Variants in PTPRE observed in about 807,000 individuals in gnomAD.
PTPRE encodes the protein protein tyrosine phosphatase receptor type E.
In PTPRE, 51 loss-of-function variants were observed where a neutral mutation model predicts 102.0. The observed-to-expected ratio is 0.50, with a 90% CI of 0.40 to 0.63. The LOEUF (loss-of-function observed/expected upper bound fraction) is 0.63, where lower values mean the gene tolerates loss of function less well. Ranked by LOEUF, PTPRE falls within the 30% of genes least tolerant of loss-of-function variation. The pLI is 0.00. For synonymous variants in PTPRE, 345 were observed against 348.2 expected (o/e 0.99, Z 0.10); for missense variants, 752 against 915.1 (o/e 0.82, Z 2.30).
At chr10:127,972,202 G>A (rs1465920141) in intron 1 of PTPRE, among the ~76,000 whole-genome samples, 1 of 152,104 alleles carries the variant, frequency 6.6e-6, no homozygotes, top group Non-Finnish European at 1.5e-5. Flanking sequence ...CCGCTGCCTG[G>A]GGACTGCTCC....
At chr10:127,992,370 G>A (rs548018528) in intron 2 of PTPRE, among the ~76,000 whole-genome samples, 19 of 152,250 alleles carry the variant, frequency 1.2e-4, no homozygotes, top group Admixed American at 3.3e-4. Context: ...TAGGGTTCTC[G>A]CCATCCAGGT....
At chr10:127,919,810 G>A (rs1846463271) in intron 1 of PTPRE, among the ~76,000 whole-genome samples, 1 of 152,074 alleles carries the variant, frequency 6.6e-6, no homozygotes, top group African/African-American at 2.4e-5. Flanking sequence ...GCATGCTTTT[G>A]TTTACAAATG....
Position 127,907,639 on chromosome 10 carries a change from C to A in PTPRE, c.-31+330C>A, listed in dbSNP as rs1845573496. ...TGCGGGTGGCTACAGTGCGCGGGGG[C>A]CGGCGGCAGGGCGGCGTACGTGAAA... On this transcript the variant is annotated intron_variant, in intron 1 of 20. Transcript: ENST00000254667. This position sits in a 1 kb window ranked among gnomAD's most constrained non-coding sequence, Gnocchi z 4.8. Among the ~76,000 whole-genome samples the A allele has an allele frequency of 6.6e-6, 1 of 152,112 alleles. No homozygotes were observed. Among genetic ancestry groups the A allele is most frequent in the Admixed American group, 6.5e-5 (1 of 15,284 alleles).
chr10:128,004,190 A>C (rs1189316085), intron 2 of PTPRE, among the ~76,000 whole-genome samples: 2 of 151,102 alleles, frequency 1.3e-5, no homozygotes, highest in Non-Finnish European at 2.9e-5. Flanking sequence ...TTCAAGAGTC[A>C]TTCTCCATGG....
At chr10:127,946,954 G>A (rs1303555200) in intron 1 of PTPRE, among the ~76,000 whole-genome samples, 1 of 151,570 alleles carries the variant, frequency 6.6e-6, no homozygotes, top group African/African-American at 2.4e-5. Context: ...CTCGAGCTCA[G>A]GAGGGCAAGG....
At chr10:127,935,438 C>T in intron 1 of PTPRE, among the ~76,000 whole-genome samples, 1 of 152,158 alleles carries the variant, frequency 6.6e-6, no homozygotes, top group Non-Finnish European at 1.5e-5. Context: ...TGTCCTTTCC[C>T]AGATTGGTGA....
At position 128,074,746 on chromosome 10, in the gene PTPRE, G is replaced by A. The variant is rs150285850; in HGVS notation, c.1599+1275G>A. On this transcript the variant is annotated intron_variant, in intron 17 of 20. Coordinates refer to ENST00000254667, the MANE Select transcript of PTPRE (RefSeq NM_006504.6). ...GCTTTTTCACTTCCCTTGGGTATACGCCTAGGAGTGTATATACTAGGAGCG... is the reference window on the plus strand; with the variant it reads ...GCTTTTTCACTTCCCTTGGGTATACACCTAGGAGTGTATATACTAGGAGCG... 2.0e-4 allele frequency among the ~76,000 whole-genome samples: 30 copies of A among 152,066 alleles called. No homozygotes were observed. In the East Asian group the frequency reaches 5.0e-3, roughly 25 times the overall value.
At chr10:128,050,332 G>GATGA (rs1848462657) in intron 6 of PTPRE, among the ~76,000 whole-genome samples, 1 of 75,258 alleles carries the variant, frequency 1.3e-5, no homozygotes, top group Non-Finnish European at 3.0e-5. Flanking sequence ...TGGGAGGGCG[G>GATGA]ATGGATGGAT....
chr10:127,926,952 C>T (rs1364768117), intron 1 of PTPRE, among the ~76,000 whole-genome samples: 1 of 151,690 alleles, frequency 6.6e-6, no homozygotes, highest in Non-Finnish European at 1.5e-5. Flanking sequence ...GCTGGGATTA[C>T]AGGTGTGCAC....
intron 2 of PTPRE, chr10:127,998,345 C>G (rs1165677091): frequency 6.6e-6 from 1 of 152,236 alleles, no homozygotes; most frequent in Non-Finnish European, 1.5e-5. Context: ...GCATGCCACC[C>G]AGGCTGCTAT....
At chr10:127,964,230 C>T (rs1430276047) in intron 1 of PTPRE, among the ~76,000 whole-genome samples, 1 of 152,146 alleles carries the variant, frequency 6.6e-6, no homozygotes, top group African/African-American at 2.4e-5. Context: ...AGTGCATTGG[C>T]ATGATCTTGG....
At chr10:128,044,629 G>T (rs1246806067) in intron 3 of PTPRE, among the ~76,000 whole-genome samples, 1 of 152,188 alleles carries the variant, frequency 6.6e-6, no homozygotes, top group Non-Finnish European at 1.5e-5. Context: ...ACTTCACTTT[G>T]GGCAATAGCT....
intron 2 of PTPRE, among the ~76,000 whole-genome samples, chr10:128,003,604 C>T (rs1309880684): frequency 6.6e-6 from 1 of 152,146 alleles, no homozygotes; most frequent in Non-Finnish European, 1.5e-5. Flanking sequence ...GGACATTTTG[C>T]ACCATGCATT....
At chr10:127,989,568 T>C (rs1224013388) in intron 2 of PTPRE, among the ~76,000 whole-genome samples, 1 of 152,216 alleles carries the variant, frequency 6.6e-6, no homozygotes, top group African/African-American at 2.4e-5. Flanking sequence ...TCCCCAGCGG[T>C]GCTCTCTCGG....
rs188458461 is a variant in PTPRE at position 128,028,794 on chromosome 10, C to T, written c.-7-12081C>T. Among the ~76,000 whole-genome samples, 708 of 152,272 alleles carry T rather than the reference C, an allele frequency of 4.6e-3. 5 individuals carry two copies. The highest frequency in any genetic ancestry group is 0.014 in the African/African-American group (567 of 41,552). On this transcript the variant is annotated intron_variant, in intron 2 of 20. Transcript: ENST00000254667. The surrounding 1 kb of genome is among the most constrained non-coding windows in gnomAD (Gnocchi z 4.5). ...GGAGGGCTTGAGACCCTCTGGGATG[C>T]GACCCAGTCCCCACCCATGGCCACT...
chr10:128,038,060 CA>C (rs1299587706), intron 2 of PTPRE, among the ~76,000 whole-genome samples: 4 of 149,210 alleles, frequency 2.7e-5, no homozygotes, highest in Non-Finnish European at 5.9e-5. Context: ...CTCGGCCTCT[CA>C]AAATACTGGG....
intron 2 of PTPRE, among the ~76,000 whole-genome samples, chr10:128,022,012 C>A (rs1845927749): frequency 6.6e-6 from 1 of 152,212 alleles, no homozygotes; most frequent in South Asian, 2.1e-4. Context: ...CACTGCGTCT[C>A]CCCTGGACGC....
At position 127,986,607 on chromosome 10, in the gene PTPRE, ATC is replaced by A. The variant is rs1307762391; in HGVS notation, c.-8+4315_-8+4316del. Among the ~76,000 whole-genome samples the A allele has an allele frequency of 2.0e-5, 3 of 152,292 alleles. No individual in the cohort carries two copies. The East Asian group carries it at 5.8e-4, about 29-fold the overall frequency. On this transcript the variant is annotated intron_variant, in intron 2 of 20. Coordinates refer to ENST00000254667, the MANE Select transcript of PTPRE (RefSeq NM_006504.6). ...TTCACTCGCTTGTTCTTCTTTAGTA[ATC>A]TCTGTTTCCTCCTCTGTCACTTTTA...
At chr10:127,948,970 G>C (rs925372509) in intron 1 of PTPRE, among the ~76,000 whole-genome samples, 6 of 152,238 alleles carry the variant, frequency 3.9e-5, no homozygotes, top group African/African-American at 1.4e-4. Flanking sequence ...TGACTGTGTC[G>C]ATCTGTCTGC....
Sources: gnomAD v4.1 joint callset for allele counts (sites outside exome capture counted in the v4.1 genomes callset) on GRCh38, gnomAD v4.1.1 for gene constraint, Gnocchi (gnomAD v3.1) non-coding constraint, MANE v1.5 for transcripts, NCBI Gene and HGNC (gene_info 2026-07-23, HGNC 2026-07-21) for gene names.